Variants in MDGA2 observed in about 807,000 individuals in gnomAD.
MDGA2 encodes the protein MAM domain containing glycosylphosphatidylinositol anchor 2, also known as MAM domain-containing glycosylphosphatidylinositol anchor protein 2.
In MDGA2, 40 loss-of-function variants were observed where a neutral mutation model predicts 117.8. The observed-to-expected ratio is 0.34, with a 90% CI of 0.26 to 0.44. The LOEUF is 0.44. Among genes scored for constraint, MDGA2 ranks in the 20% least tolerant of loss-of-function variants. The pLI, the probability that MDGA2 is intolerant of heterozygous loss-of-function variation, is 1.00. For synonymous variants in MDGA2, 452 were observed against 439.0 expected (o/e 1.03, Z -0.37); for missense variants, 1,123 against 1,250.6 (o/e 0.90, Z 1.54).
intron 1 of MDGA2, among the ~76,000 whole-genome samples, chr14:47,421,348 G>A (rs12891075): frequency 0.24 from 36,508 of 152,078 alleles, 4,672 homozygotes; most frequent in Middle Eastern, 0.41. Context: ...AAATTGTGGG[G>A]AAGAATCCTG....
At chr14:47,241,525 G>C (rs1481628818) in intron 2 of MDGA2, among the ~76,000 whole-genome samples, 1 of 151,862 alleles carries the variant, frequency 6.6e-6, no homozygotes, top group African/African-American at 2.4e-5. Context: ...TTTTAGAAAG[G>C]TTTTAGTTGT....
At chr14:47,535,297 G>A (rs532524700) in intron 1 of MDGA2, among the ~76,000 whole-genome samples, 1 of 152,220 alleles carries the variant, frequency 6.6e-6, no homozygotes, top group Non-Finnish European at 1.5e-5. Context: ...TCTGGAAGAA[G>A]CCATTTTGTT....
chr14:47,428,569 C>T (rs894791306), intron 1 of MDGA2, among the ~76,000 whole-genome samples: 1 of 152,088 alleles, frequency 6.6e-6, no homozygotes, highest in African/African-American at 2.4e-5. Flanking sequence ...GTTCAGAACT[C>T]TCTCTACATA....
intron 2 of MDGA2, among the ~76,000 whole-genome samples, chr14:47,220,525 C>T (rs993027756): frequency 1.3e-5 from 2 of 152,180 alleles, no homozygotes; most frequent in African/African-American, 4.8e-5. Flanking sequence ...TCCATTTGAA[C>T]AGTGGGCCGA....
intron 1 of MDGA2, among the ~76,000 whole-genome samples, chr14:47,604,435 G>T (rs1896703342): frequency 6.6e-6 from 1 of 151,416 alleles, no homozygotes; most frequent in Admixed American, 6.6e-5. Context: ...TCTCACCTCA[G>T]CTTACCAAGT....
At chr14:47,042,049 T>C (rs1889089455) in intron 7 of MDGA2, among the ~76,000 whole-genome samples, 1 of 152,082 alleles carries the variant, frequency 6.6e-6, no homozygotes, top group Non-Finnish European at 1.5e-5. Context: ...AATCTTAAAA[T>C]AAGCATGGCA....
At chr14:47,150,650 G>A (rs189918377) in intron 3 of MDGA2, among the ~76,000 whole-genome samples, 4 of 152,226 alleles carry the variant, frequency 2.6e-5, no homozygotes, top group East Asian at 1.9e-4. Flanking sequence ...TTGGCTGGGC[G>A]TGGTGGCTCA....
Position 47,493,648 on chromosome 14 carries a change from G to A in MDGA2, c.280+180869C>T, listed in dbSNP as rs532478631. Among the ~76,000 whole-genome samples the A allele has an allele frequency of 5.3e-5, 8 of 151,970 alleles. No individual in the cohort carries two copies. In the South Asian group the frequency reaches 1.5e-3, roughly 28 times the overall value. On this transcript the variant is annotated intron_variant, in intron 1 of 16. Coordinates refer to ENST00000399232, the MANE Select transcript of MDGA2 (RefSeq NM_001113498.3). Reference sequence around the variant, plus strand: ...CATCTAAAATAGTTTTTAAGTATCTGTTTGAATAATATTATTTCCCAAAAA... The same window carrying A: ...CATCTAAAATAGTTTTTAAGTATCTATTTGAATAATATTATTTCCCAAAAA...
At chr14:47,390,113 A>G (rs905620457) in intron 1 of MDGA2, among the ~76,000 whole-genome samples, 1 of 152,178 alleles carries the variant, frequency 6.6e-6, no homozygotes, top group Non-Finnish European at 1.5e-5. Context: ...CTCTCAATTT[A>G]AAACGGTCCC....
At chr14:46,915,851 A>C (rs1308458473) in intron 10 of MDGA2, among the ~76,000 whole-genome samples, 1 of 152,114 alleles carries the variant, frequency 6.6e-6, no homozygotes, top group African/African-American at 2.4e-5. Context: ...ACTTGCTATA[A>C]ACACAGCGGC....
At chr14:47,113,384 AG>A (rs1320517252) in intron 5 of MDGA2, among the ~76,000 whole-genome samples, 1 of 152,148 alleles carries the variant, frequency 6.6e-6, no homozygotes, top group African/African-American at 2.4e-5. Context: ...ACGATCAAAA[AG>A]GAGGGACTCC....
At chr14:47,530,383 C>G (rs532935730) in intron 1 of MDGA2, among the ~76,000 whole-genome samples, 13 of 152,282 alleles carry the variant, frequency 8.5e-5, no homozygotes, top group Non-Finnish European at 1.9e-4. Context: ...TGATTAATAT[C>G]TTGCTAATCA....
intron 10 of MDGA2, among the ~76,000 whole-genome samples, chr14:46,903,541 T>A (rs952777839): frequency 6.6e-6 from 1 of 152,238 alleles, no homozygotes; most frequent in Non-Finnish European, 1.5e-5. Flanking sequence ...AATGTCATTC[T>A]ATTTCCAATA....
chr14:47,351,838 C>G (rs1330168401), intron 1 of MDGA2, among the ~76,000 whole-genome samples: 4 of 151,074 alleles, frequency 2.6e-5, no homozygotes, highest in African/African-American at 9.7e-5. Context: ...ATTAGTAAAG[C>G]CTCACTATAT....
intron 10 of MDGA2, among the ~76,000 whole-genome samples, chr14:46,899,190 A>G (rs1353553151): frequency 6.6e-6 from 1 of 152,090 alleles, no homozygotes; most frequent in Admixed American, 6.6e-5. Context: ...TAATTATACC[A>G]GGTAATAGGT....
At position 47,282,813 on chromosome 14, in the gene MDGA2, T is replaced by C. The variant is rs571605575; in HGVS notation, c.420+18598A>G. On this transcript the variant is annotated intron_variant, in intron 2 of 16. Transcript: ENST00000399232. ...TTAAGAATGGACTAGCTGGGTGTGG[T>C]GGCTTGTGCCTGTAATCCCAGCTAC... is the stretch of plus-strand genomic sequence containing the variant. Among the ~76,000 whole-genome samples, 10 of 152,156 alleles carry C rather than the reference T, an allele frequency of 6.6e-5. 1 individual carries two copies. Among genetic ancestry groups the C allele is most frequent in the Admixed American group, 5.9e-4 (9 of 15,280 alleles).
intron 14 of MDGA2, among the ~76,000 whole-genome samples, chr14:46,863,144 ATTC>A (rs1393313268): frequency 6.6e-6 from 1 of 151,822 alleles, no homozygotes; most frequent in Non-Finnish European, 1.5e-5. Flanking sequence ...CATTTCTCAT[ATTC>A]TTTGGCCTTT....
intron 3 of MDGA2, among the ~76,000 whole-genome samples, chr14:47,216,712 A>G (rs1566685244): frequency 6.6e-6 from 1 of 152,142 alleles, no homozygotes; most frequent in Admixed American, 6.6e-5. Context: ...ATTATATTAC[A>G]AAAAGTATTC....
chr14:47,490,742 A>G (rs1433930750), intron 1 of MDGA2, among the ~76,000 whole-genome samples: 2 of 152,144 alleles, frequency 1.3e-5, no homozygotes, highest in African/African-American at 4.8e-5. Context: ...AGTGATAATA[A>G]AAAATATTAT....
Sources: gnomAD v4.1 joint callset for allele counts (sites outside exome capture counted in the v4.1 genomes callset) on GRCh38, gnomAD v4.1.1 for gene constraint, MANE v1.5 for transcripts, NCBI Gene and HGNC (gene_info 2026-07-23, HGNC 2026-07-21) for gene names.